Variants in SVBP observed in about 807,000 individuals in gnomAD.
SVBP encodes the protein small vasohibin-binding protein.
SVBP carries 9 observed loss-of-function variants against 9.2 expected under a neutral mutation model. The observed-to-expected ratio is 0.98, with a 90% CI of 0.59 to 1.71. The LOEUF is 1.71. Among genes scored for constraint, SVBP ranks in the 40% most tolerant of loss-of-function variants. The pLI, the probability that SVBP is intolerant of heterozygous loss-of-function variation, is 0.00. For synonymous variants in SVBP, 27 were observed against 23.9 expected (o/e 1.13, Z -0.37); for missense variants, 63 against 73.2 (o/e 0.86, Z 0.51).
At chr1:42,814,919 G>A (rs1314680405) in intron 2 of SVBP, among the ~76,000 whole-genome samples, 6 of 152,108 alleles carry the variant, frequency 3.9e-5, no homozygotes, top group Middle Eastern at 3.4e-3. Context: ...ACATGCACAC[G>A]TATGTTTATT....
Position 42,817,252 on chromosome 1 carries a change from G to A in SVBP, c.-99C>T. ...CGAGTCGCAGACAACGCCTCCGGGA[G>A]GGTAATCCTCGCCTTCCCCCGACCA... On this transcript the variant is annotated 5_prime_UTR_variant, in exon 1 of 3. Coordinates refer to ENST00000372521, the MANE Select transcript of SVBP (RefSeq NM_199342.4). The A allele has an allele frequency of 8.0e-7, 1 of 1,252,360 alleles. No individual in the cohort carries two copies. Among genetic ancestry groups the A allele is most frequent in the Non-Finnish European group, 1.0e-6 (1 of 971,880 alleles). The allele number at this position is 1,252,360 out of a possible 1,614,324, so 77.6% of individuals were successfully genotyped here. A position where few individuals can be genotyped will look rare whatever the true frequency, so the allele number is the denominator to read the frequency against.
chr1:42,810,109 CACACACAT>C (rs898613051), intron 2 of SVBP, among the ~76,000 whole-genome samples: 28 of 141,734 alleles, frequency 2.0e-4, no homozygotes, highest in African/African-American at 7.4e-4. Flanking sequence ...CACACACACA[CACACACAT>C]ACATACATAC....
intron 2 of SVBP, chr1:42,813,928 T>C: frequency 4.8e-6 from 1 of 209,864 alleles, no homozygotes; most frequent in Non-Finnish European, 9.9e-6. Flanking sequence ...TAGATTTCAG[T>C]TTACAGATTA....
intron 1 of SVBP, 88 bp downstream of exon 1, chr1:42,817,102 G>T (rs1227820398): frequency 1.9e-6 from 2 of 1,027,316 alleles, no homozygotes; most frequent in South Asian, 2.6e-5. Context: ...GGCCCCAGGG[G>T]ACGGCCCCCG....
chr1:42,816,214 C>T lies in SVBP; in HGVS notation c.114+217G>A. 8.3e-6 allele frequency: 4 copies of T among 484,846 alleles called. No individual in the cohort carries two copies. The South Asian group carries it at 1.3e-4, about 16-fold the overall frequency. 30.0% of individuals were successfully genotyped at this position (484,846 alleles called of 1,614,324 possible). On this transcript the variant is annotated intron_variant, in intron 2 of 2. Transcript: ENST00000372521. ...CTTGGGTCTCTTACCACAAAAGCTC[C>T]GCACCAGACTGGGGTTCTGACACTA... is the stretch of plus-strand genomic sequence containing the variant.
chr1:42,810,699 T>G (rs558049601), intron 2 of SVBP, among the ~76,000 whole-genome samples: 1 of 152,240 alleles, frequency 6.6e-6, no homozygotes, highest in African/African-American at 2.4e-5. Context: ...GTGCTTCCAC[T>G]GCCAATGTGC....
chr1:42,816,317 C>T, intron 2 of SVBP, 114 bp downstream of exon 2: 1 of 758,136 alleles, frequency 1.3e-6, no homozygotes, highest in South Asian at 1.7e-5. Flanking sequence ...GGAGAACACC[C>T]ATCCTGCCTG....
intron 2 of SVBP, among the ~76,000 whole-genome samples, chr1:42,812,614 T>C (rs935274120): frequency 1.4e-4 from 22 of 152,218 alleles, no homozygotes; most frequent in Non-Finnish European, 2.4e-4. Flanking sequence ...AAATTTGCAA[T>C]GTTGTCACAT....
At position 42,807,326 on chromosome 1, in the gene SVBP, T is replaced by G. The variant is rs1049365633; in HGVS notation, c.*88A>C. The G allele has an allele frequency of 7.7e-6, 7 of 903,966 alleles. No individual in the cohort carries two copies. The highest frequency in any genetic ancestry group is 2.6e-4 in the Middle Eastern group (1 of 3,806). The allele number at this position is 903,966 out of a possible 1,614,324, so 56.0% of individuals were successfully genotyped here. ...CCACAAATGTCTTCTGGTCTAGTTCTGTAAGGCTCCAAATGGGCCATCTCA... is the reference window on the plus strand; with the variant it reads ...CCACAAATGTCTTCTGGTCTAGTTCGGTAAGGCTCCAAATGGGCCATCTCA... On this transcript the variant is annotated 3_prime_UTR_variant, in exon 3 of 3. Coordinates refer to ENST00000372521, the MANE Select transcript of SVBP (RefSeq NM_199342.4).
In SVBP at chr1:42,808,157, A is replaced by G. The variant is rs868014481; in HGVS notation, c.115-657T>C. ...ATAGTGTGTGTGTGTGTGTATATAT[A>G]TATATATATATATATATATATACAT... On this transcript the variant is annotated intron_variant, in intron 2 of 2. Transcript: ENST00000372521. Among the ~76,000 whole-genome samples, 20 of 73,536 alleles carry G rather than the reference A, an allele frequency of 2.7e-4. 2 individuals carry two copies. Among genetic ancestry groups the G allele is most frequent in the African/African-American group, 1.0e-3 (20 of 19,478 alleles). 48.2% of individuals were successfully genotyped at this position (73,536 alleles called of 152,430 possible). A position where few individuals can be genotyped will look rare whatever the true frequency, so the allele number is the denominator to read the frequency against.
chr1:42,813,119 A>G (rs909334892), intron 2 of SVBP, among the ~76,000 whole-genome samples: 48 of 152,348 alleles, frequency 3.2e-4, no homozygotes, highest in African/African-American at 1.1e-3. Context: ...GAAGGAGCAC[A>G]CTGGAAAAAG....
At chr1:42,811,778 G>A (rs903702161) in intron 2 of SVBP, among the ~76,000 whole-genome samples, 3 of 152,136 alleles carry the variant, frequency 2.0e-5, no homozygotes, top group African/African-American at 7.2e-5. Flanking sequence ...TGGAAGAACT[G>A]GGATTTATGG....
intron 2 of SVBP, 65 bp downstream of exon 2, chr1:42,816,366 G>T (rs1167018677): frequency 1.7e-6 from 2 of 1,181,038 alleles, no homozygotes; most frequent in Non-Finnish European, 1.2e-6. Flanking sequence ...CCTTTCTGCT[G>T]TTTCTCTATT....
Position 42,817,292 on chromosome 1 carries a change from G to C in SVBP, c.-139C>G. 1 of 1,208,996 alleles carries C rather than the reference G, an allele frequency of 8.3e-7. No homozygotes were observed. The highest frequency in any genetic ancestry group is 1.1e-6 in the Non-Finnish European group (1 of 940,708). 74.9% of individuals were successfully genotyped at this position (1,208,996 alleles called of 1,614,324 possible). ...TCCCCCGACCACTGGACCCAGCGCT[G>C]CCTGCCCACCGCCCCTCGTCCTGGG... On this transcript the variant is annotated 5_prime_UTR_variant, in exon 1 of 3. Transcript: ENST00000372521.
intron 2 of SVBP, among the ~76,000 whole-genome samples, chr1:42,812,057 AAAG>A (rs773071459): frequency 6.6e-6 from 1 of 152,306 alleles, no homozygotes; most frequent in East Asian, 1.9e-4. Flanking sequence ...AAAAAAAAAA[AAAG>A]AGTACAATAG....
chr1:42,808,139 G>GTATATATA (rs1371619424), intron 2 of SVBP, among the ~76,000 whole-genome samples: 2 of 36,200 alleles, frequency 5.5e-5, no homozygotes, highest in Non-Finnish European at 5.1e-5. Flanking sequence ...AATATAGTGT[G>GTATATATA]TGTGTGTGTG....
chr1:42,813,565 T>C, intron 2 of SVBP: 2 of 531,226 alleles, frequency 3.8e-6, no homozygotes, highest in South Asian at 2.8e-5. Flanking sequence ...GATACTCCAT[T>C]TTCATTTGGT....
chr1:42,807,145 TTGTG>T lies in SVBP; in HGVS notation c.*265_*268del, dbSNP rs201963218. On this transcript the variant is annotated 3_prime_UTR_variant, in exon 3 of 3. Transcript: ENST00000372521. ...TCTCAAACAATAGAAAAAGTGTTTT[TTGTG>T]TGTGTTTTTTTTTTTTTTTTAAAAA... The T allele has an allele frequency of 1.2e-5, 3 of 256,668 alleles. No individual in the cohort carries two copies. Among genetic ancestry groups the T allele is most frequent in the South Asian group, 2.0e-4 (1 of 5,104 alleles). The allele number at this position is 256,668 out of a possible 1,614,324, so 15.9% of individuals were successfully genotyped here. A position where few individuals can be genotyped will look rare whatever the true frequency, so the allele number is the denominator to read the frequency against.
At chr1:42,808,705 A>G (rs984820798) in intron 2 of SVBP, among the ~76,000 whole-genome samples, 1 of 151,404 alleles carries the variant, frequency 6.6e-6, no homozygotes, top group Non-Finnish European at 1.5e-5. Context: ...TATGAGCTAT[A>G]TATATATTTC....
Sources: allele counts gnomAD v4.1 joint callset (sites outside exome capture counted in the v4.1 genomes callset), GRCh38; gene constraint gnomAD v4.1.1; transcripts MANE v1.5; gene names NCBI Gene and HGNC (gene_info 2026-07-23, HGNC 2026-07-21).